Variants in MCU observed in about 807,000 individuals in gnomAD.
MCU encodes mitochondrial calcium uniporter.
A neutral mutation model predicts 45.2 loss-of-function variants in MCU; 12 were observed. That is an observed-to-expected ratio of 0.27 (90% confidence interval 0.17 to 0.43). The LOEUF is 0.43. MCU is among the 20% of genes least tolerant of loss of function. MCU has a pLI of 1.00. For missense variants in MCU, 324 were observed against 436.7 expected (o/e 0.74, Z 2.30); for synonymous variants, 160 against 165.1 (o/e 0.97, Z 0.24).
intron 1 of MCU, among the ~76,000 whole-genome samples, chr10:72,815,783 G>C (rs904615445): frequency 6.6e-6 from 1 of 152,034 alleles, no homozygotes; most frequent in Non-Finnish European, 1.5e-5. Context: ...GAAATAAACT[G>C]ATAAAAAATA....
chr10:72,725,246 C>T (rs991289642), intron 1 of MCU, among the ~76,000 whole-genome samples: 1 of 152,182 alleles, frequency 6.6e-6, no homozygotes, highest in Admixed American at 6.5e-5. Context: ...CTGCCTCAGC[C>T]TCCCGAGAAG....
At chr10:72,744,914 A>T (rs777029505) in intron 1 of MCU, among the ~76,000 whole-genome samples, 4 of 152,074 alleles carry the variant, frequency 2.6e-5, no homozygotes, top group Non-Finnish European at 2.9e-5. Context: ...AAACCTTTGA[A>T]TGTTTAGTAT....
intron 1 of MCU, among the ~76,000 whole-genome samples, chr10:72,778,695 C>A (rs187808780): frequency 6.6e-6 from 1 of 152,202 alleles, no homozygotes; most frequent in African/African-American, 2.4e-5. Context: ...TAAAAAATAT[C>A]ATGCATGGAA....
chr10:72,875,196 C>G (rs570912483), intron 6 of MCU, among the ~76,000 whole-genome samples: 2 of 152,240 alleles, frequency 1.3e-5, no homozygotes, highest in African/African-American at 4.8e-5. Flanking sequence ...ATTATGCTGC[C>G]TTCTGTTGAC....
intron 1 of MCU, among the ~76,000 whole-genome samples, chr10:72,753,601 G>A (rs779663680): frequency 3.3e-5 from 5 of 152,306 alleles, no homozygotes; most frequent in Non-Finnish European, 5.9e-5. Context: ...TGGGCCGGGC[G>A]TAATGGCTTA....
At chr10:72,825,459 A>G (rs1276779012) in intron 1 of MCU, among the ~76,000 whole-genome samples, 2 of 152,224 alleles carry the variant, frequency 1.3e-5, no homozygotes, top group Non-Finnish European at 2.9e-5. Context: ...AAGAACAATA[A>G]CATCCTCTTG....
chr10:72,871,544 C>G lies in MCU; in HGVS notation c.825C>G (p.Ala275=). The G allele has an allele frequency of 6.2e-7, 1 of 1,614,114 alleles. No individual in the cohort carries two copies. Among genetic ancestry groups the G allele is most frequent in the South Asian group, 1.1e-5 (1 of 91,068 alleles). Residue 275 remains alanine (A), a synonymous_variant, in exon 6 of 8, where the codon GCC becomes GCG. Coordinates refer to ENST00000373053, the MANE Select transcript of MCU (RefSeq NM_138357.3). ...PVTYFITYGS[A]MAMYAYFVMT... ...CATACTTCATCACTTATGGAAGTGC[C>G]ATGGCAATGTATGCATATTTTGTAA...
intron 1 of MCU, among the ~76,000 whole-genome samples, chr10:72,824,350 C>T (rs1020300573): frequency 2.7e-5 from 4 of 146,906 alleles, no homozygotes; most frequent in Admixed American, 2.1e-4. Context: ...GTGTCTGCCA[C>T]CACGCCTGGC....
intron 2 of MCU, among the ~76,000 whole-genome samples, chr10:72,857,425 A>C (rs563449613): frequency 6.6e-6 from 1 of 152,090 alleles, no homozygotes; most frequent in African/African-American, 2.4e-5. Context: ...TTTTTAGTAG[A>C]GACAGGGTTT....
At chr10:72,723,487 A>G (rs1029796673) in intron 1 of MCU, among the ~76,000 whole-genome samples, 4 of 152,160 alleles carry the variant, frequency 2.6e-5, no homozygotes, top group African/African-American at 9.6e-5. Flanking sequence ...ATTTTTATGT[A>G]TTTCCTTTTA....
chr10:72,796,060 C>T (rs1284327662), intron 1 of MCU, among the ~76,000 whole-genome samples: 1 of 152,128 alleles, frequency 6.6e-6, no homozygotes, highest in East Asian at 1.9e-4. Flanking sequence ...AAGAGTTTCT[C>T]ACAAAACACC....
intron 1 of MCU, among the ~76,000 whole-genome samples, chr10:72,805,596 A>G (rs565368614): frequency 3.5e-4 from 53 of 152,196 alleles, no homozygotes; most frequent in Middle Eastern, 6.8e-3. Flanking sequence ...ATAAGGTGTC[A>G]ATGAGAACCC....
At chr10:72,811,043 C>T (rs1455087906) in intron 1 of MCU, among the ~76,000 whole-genome samples, 1 of 152,200 alleles carries the variant, frequency 6.6e-6, no homozygotes, top group Non-Finnish European at 1.5e-5. Context: ...CCAACCTGCT[C>T]AGCACATGCT....
intron 6 of MCU, among the ~76,000 whole-genome samples, chr10:72,876,024 G>C (rs74145980): frequency 6.6e-6 from 1 of 152,040 alleles, no homozygotes; most frequent in Non-Finnish European, 1.5e-5. Context: ...GGAGTAATCA[G>C]GAAAAAAATG....
chr10:72,722,501 TG>T (rs1223143247), intron 1 of MCU, among the ~76,000 whole-genome samples: 2 of 151,008 alleles, frequency 1.3e-5, no homozygotes, highest in African/African-American at 4.9e-5. Flanking sequence ...TTGTAGTTAT[TG>T]GCACTTTTTT....
intron 1 of MCU, among the ~76,000 whole-genome samples, chr10:72,735,175 G>T (rs915479274): frequency 1.3e-5 from 2 of 150,822 alleles, no homozygotes; most frequent in Non-Finnish European, 2.9e-5. Context: ...TTAATGACAT[G>T]GATGGAATAT....
At chr10:72,814,455 G>T (rs1454751943) in intron 1 of MCU, among the ~76,000 whole-genome samples, 3 of 151,930 alleles carry the variant, frequency 2.0e-5, no homozygotes, top group Non-Finnish European at 2.9e-5. Flanking sequence ...TTGCTTTAAA[G>T]ATTAGCTCTT....
At chr10:72,856,715 C>G (rs1845295218) in intron 2 of MCU, among the ~76,000 whole-genome samples, 1 of 148,164 alleles carries the variant, frequency 6.7e-6, no homozygotes, top group Admixed American at 6.9e-5. Flanking sequence ...TGGGTCGCTG[C>G]TCAAGCTCAG....
chr10:72,765,786 C>CAAAAAAA (rs36071651), intron 1 of MCU, among the ~76,000 whole-genome samples: 1 of 63,216 alleles, frequency 1.6e-5, no homozygotes, highest in East Asian at 5.9e-4. Flanking sequence ...GACGCTGTCT[C>CAAAAAAA]AAAAAAAAAA....
Sources: allele counts gnomAD v4.1 joint callset (sites outside exome capture counted in the v4.1 genomes callset), GRCh38; gene constraint gnomAD v4.1.1; transcripts MANE v1.5; gene names NCBI Gene and HGNC (gene_info 2026-07-23, HGNC 2026-07-21).